RAB11FIP3: variants seen among roughly 807,000 people sequenced by gnomAD.
The protein encoded by RAB11FIP3 is rab11 family-interacting protein 3.
A neutral mutation model predicts 77.8 loss-of-function variants in RAB11FIP3; 17 were observed. The observed-to-expected ratio is 0.22, with a 90% CI of 0.15 to 0.33. The LOEUF is 0.33. RAB11FIP3 is among the 10% of genes least tolerant of loss of function. The pLI, the probability that RAB11FIP3 is intolerant of heterozygous loss-of-function variation, is 1.00. For synonymous variants in RAB11FIP3, 437 were observed against 448.2 expected (o/e 0.98, Z 0.31); for missense variants, 1,005 against 1,011.2 (o/e 0.99, Z 0.08).
At chr16:493,429 T>A (rs1310671917) in intron 5 of RAB11FIP3, among the ~76,000 whole-genome samples, 1 of 152,158 alleles carries the variant, frequency 6.6e-6, no homozygotes, top group African/African-American at 2.4e-5. Flanking sequence ...TTGGTCATGC[T>A]TTGTGGGTGG....
chr16:516,832 G>A (rs765003789), intron 9 of RAB11FIP3, among the ~76,000 whole-genome samples: 106 of 152,256 alleles, frequency 7.0e-4, no homozygotes, highest in South Asian at 1.7e-3. Context: ...CAGCTTGGGC[G>A]ACAAGAGCAA....
At chr16:490,500 G>C (rs2179768) in intron 5 of RAB11FIP3, among the ~76,000 whole-genome samples, 5 of 151,944 alleles carry the variant, frequency 3.3e-5, no homozygotes, top group African/African-American at 1.2e-4. Flanking sequence ...CTACTACGCC[G>C]GGCTAATTTT....
chr16:439,823 G>A (rs143456609), intron 1 of RAB11FIP3, among the ~76,000 whole-genome samples: 1 of 152,182 alleles, frequency 6.6e-6, no homozygotes. Flanking sequence ...CCAGGTCACA[G>A]ATAGGTGAGA....
intron 4 of RAB11FIP3, among the ~76,000 whole-genome samples, chr16:485,943 C>T (rs2056145679): frequency 6.6e-6 from 1 of 152,090 alleles, no homozygotes; most frequent in African/African-American, 2.4e-5. Context: ...GCTGTGTCAC[C>T]CAGGCTGCAG....
chr16:437,149 G>T (rs2055143122), intron 1 of RAB11FIP3, among the ~76,000 whole-genome samples: 1 of 151,902 alleles, frequency 6.6e-6, no homozygotes, highest in South Asian at 2.1e-4. Flanking sequence ...GTGGTGGCGG[G>T]CACCTATAGT....
At chr16:463,001 G>C (rs1398761769) in intron 2 of RAB11FIP3, among the ~76,000 whole-genome samples, 1 of 152,208 alleles carries the variant, frequency 6.6e-6, no homozygotes, top group African/African-American at 2.4e-5. Flanking sequence ...ACAACTCTTT[G>C]TGTGGATGCG....
intron 1 of RAB11FIP3, among the ~76,000 whole-genome samples, chr16:453,098 C>T (rs549589038): frequency 4.0e-4 from 58 of 144,042 alleles, no homozygotes; most frequent in African/African-American, 1.3e-3. Context: ...ATTTTTGAGA[C>T]GGAGTCTCGC....
chr16:432,249 C>T (rs889348002), intron 1 of RAB11FIP3, among the ~76,000 whole-genome samples: 5 of 152,026 alleles, frequency 3.3e-5, no homozygotes, highest in Non-Finnish European at 5.9e-5. Flanking sequence ...TGGTGGTAGG[C>T]GCCTATAATC....
rs374284650 is a variant in RAB11FIP3, at chr16:509,750, GC to G, written c.1500-900del. On this transcript the variant is annotated intron_variant, in intron 8 of 13. Coordinates refer to ENST00000262305, the MANE Select transcript of RAB11FIP3 (RefSeq NM_014700.4). ...CTGGAGGGGACTGGGAGCAGAGTGG[GC>G]CCCCCCCCCACTTGTGGCCCCTCAC... 5.9e-3 allele frequency among the ~76,000 whole-genome samples: 871 copies of G among 148,824 alleles called. 1 individual carries two copies. The highest frequency in any genetic ancestry group is 8.0e-3 in the South Asian group (37 of 4,642).
chr16:519,516 C>T (rs1335481299), intron 10 of RAB11FIP3, among the ~76,000 whole-genome samples: 1 of 152,262 alleles, frequency 6.6e-6, no homozygotes, highest in Non-Finnish European at 1.5e-5. Flanking sequence ...AAGGTCCTTC[C>T]TGCCCCTCGT....
intron 1 of RAB11FIP3, among the ~76,000 whole-genome samples, chr16:458,791 G>T (rs548176413): frequency 9.9e-5 from 15 of 152,254 alleles, no homozygotes; most frequent in Non-Finnish European, 1.9e-4. Flanking sequence ...GCTGAATGCT[G>T]CCTCCTTTTT....
Position 471,989 on chromosome 16 carries a change from A to G in RAB11FIP3, c.903+600A>G, listed in dbSNP as rs558896045. 3.9e-5 allele frequency among the ~76,000 whole-genome samples: 6 copies of G among 152,226 alleles called. No individual in the cohort carries two copies. In the East Asian group the frequency reaches 1.2e-3, roughly 29 times the overall value. ...TGCAGCAGAAAATGCATGAAGTTGAACTTGAGCCCTTGGGGGCCGCCGGGA... is the reference window on the plus strand; with the variant it reads ...TGCAGCAGAAAATGCATGAAGTTGAGCTTGAGCCCTTGGGGGCCGCCGGGA... On this transcript the variant is annotated intron_variant, in intron 3 of 13. Transcript: ENST00000262305. The surrounding 1 kb of genome is among the most constrained non-coding windows in gnomAD (Gnocchi z 4.4).
Position 519,779 on chromosome 16 carries a change from T to TA in RAB11FIP3, c.1749dup (p.Glu584ArgfsTer9). The TA allele has an allele frequency of 6.2e-7, 1 of 1,612,578 alleles. No homozygotes were observed. The highest frequency in any genetic ancestry group is 8.5e-7 in the Non-Finnish European group (1 of 1,179,642). ...GAGAAGCAGAAGCTGTTGGATGAGA[T>TA]AGAGTCGCTGACGCTGCGGCTCAGT... On this transcript the variant is annotated frameshift_variant, in exon 11 of 14. Coordinates refer to ENST00000262305, the MANE Select transcript of RAB11FIP3 (RefSeq NM_014700.4). LOFTEE classifies it high-confidence loss of function.
chr16:449,686 TCA>T (rs2055375901), intron 1 of RAB11FIP3, among the ~76,000 whole-genome samples: 1 of 149,498 alleles, frequency 6.7e-6, no homozygotes, highest in Non-Finnish European at 1.5e-5. Flanking sequence ...GTGCAGTGGC[TCA>T]CAGCTATAAT....
intron 5 of RAB11FIP3, among the ~76,000 whole-genome samples, chr16:489,512 A>G (rs1459310018): frequency 2.0e-5 from 3 of 152,114 alleles, no homozygotes. Context: ...GGATCCGAAC[A>G]TGGGGGTCTG....
intron 5 of RAB11FIP3, among the ~76,000 whole-genome samples, chr16:493,813 C>CTTG (rs2030835188): frequency 4.8e-5 from 7 of 147,258 alleles, no homozygotes; most frequent in Non-Finnish European, 7.4e-5. Flanking sequence ...CACCATGTCT[C>CTTG]AATCTCCGGA....
At chr16:487,562 G>T (rs73496220) in intron 4 of RAB11FIP3, among the ~76,000 whole-genome samples, 2 of 152,116 alleles carry the variant, frequency 1.3e-5, no homozygotes, top group African/African-American at 4.8e-5. Context: ...CAGAGCGCGC[G>T]GTCCTCCTGA....
chr16:443,606 C>G (rs1315569042), intron 1 of RAB11FIP3, among the ~76,000 whole-genome samples: 1 of 152,162 alleles, frequency 6.6e-6, no homozygotes, highest in Non-Finnish European at 1.5e-5. Context: ...CGCTCTGTCG[C>G]CCAGGCTGGA....
At chr16:488,711 C>CTTTTTTTT in intron 4 of RAB11FIP3, 140 bp from the exon 5 acceptor site, 1 of 580,344 alleles carries the variant, frequency 1.7e-6, no homozygotes, top group Non-Finnish European at 2.6e-6. Context: ...ATCCAGCCCA[C>CTTTTTTTT]TTTTTTTTTT....
Sources: gnomAD v4.1 joint callset for allele counts (sites outside exome capture counted in the v4.1 genomes callset) on GRCh38, gnomAD v4.1.1 for gene constraint, Gnocchi (gnomAD v3.1) non-coding constraint, MANE v1.5 for transcripts, NCBI Gene and HGNC (gene_info 2026-07-23, HGNC 2026-07-21) for gene names.